Variants in LRMDA observed in about 807,000 individuals in gnomAD.
LRMDA encodes leucine-rich melanocyte differentiation-associated protein.
Under a neutral mutation model 29.8 loss-of-function variants are expected in LRMDA, and 18 were observed. That is an observed-to-expected ratio of 0.60 (90% CI 0.42 to 0.90). The LOEUF (loss-of-function observed/expected upper bound fraction) is 0.90, where lower values mean the gene tolerates loss of function less well. Among genes scored for constraint, LRMDA ranks in the 40% least tolerant of loss-of-function variants. The pLI is 0.00. For synonymous variants in LRMDA, 125 were observed against 109.4 expected, an observed-to-expected ratio of 1.14 and a Z score of -0.89; for missense variants, 273 against 273.9, an observed-to-expected ratio of 1.00 and a Z score of 0.02.
At chr10:75,916,395 A>G (rs1379998979) in intron 2 of LRMDA, among the ~76,000 whole-genome samples, 1 of 152,036 alleles carries the variant, frequency 6.6e-6, no homozygotes, top group East Asian at 1.9e-4. Context: ...GGCAAGAGAG[A>G]GGCAGCAGGG....
chr10:75,467,387 G>A (rs567607986), intron 2 of LRMDA, among the ~76,000 whole-genome samples: 3 of 152,336 alleles, frequency 2.0e-5, no homozygotes, highest in African/African-American at 7.2e-5. Flanking sequence ...TATTCAGAGA[G>A]CACACACTGA....
At chr10:76,371,962 G>A (rs1010791800) in intron 6 of LRMDA, among the ~76,000 whole-genome samples, 11 of 152,134 alleles carry the variant, frequency 7.2e-5, no homozygotes, top group African/African-American at 2.4e-4. Flanking sequence ...CCTCTAACAA[G>A]GCAAGGTCCA....
At chr10:75,793,065 G>A (rs1843595844) in intron 2 of LRMDA, among the ~76,000 whole-genome samples, 1 of 152,162 alleles carries the variant, frequency 6.6e-6, no homozygotes, top group Non-Finnish European at 1.5e-5. Context: ...ATAGGAGAGA[G>A]TATTCCACAC....
At chr10:76,205,578 G>A (rs996913023) in intron 5 of LRMDA, among the ~76,000 whole-genome samples, 2 of 152,156 alleles carry the variant, frequency 1.3e-5, no homozygotes, top group Non-Finnish European at 2.9e-5. Context: ...ATTGATAAAG[G>A]GTGGGAACGT....
intron 2 of LRMDA, among the ~76,000 whole-genome samples, chr10:76,028,928 T>C (rs2132499261): frequency 6.6e-6 from 1 of 151,288 alleles, no homozygotes; most frequent in South Asian, 2.1e-4. Context: ...GCGATTCTCC[T>C]GCCTCAGCCT....
chr10:76,145,564 A>G (rs927182224), intron 5 of LRMDA, among the ~76,000 whole-genome samples: 26 of 152,038 alleles, frequency 1.7e-4, no homozygotes, highest in African/African-American at 5.5e-4. Flanking sequence ...TATTGCGTCT[A>G]TTTGATTCTT....
chr10:76,151,792 G>A (rs939490218), intron 5 of LRMDA, among the ~76,000 whole-genome samples: 3 of 152,126 alleles, frequency 2.0e-5, no homozygotes, highest in Non-Finnish European at 2.9e-5. Flanking sequence ...TTACTAGTTT[G>A]CATTTCTTAA....
intron 2 of LRMDA, among the ~76,000 whole-genome samples, chr10:75,585,396 G>A (rs1397756364): frequency 3.9e-5 from 6 of 152,172 alleles, no homozygotes; most frequent in African/African-American, 1.4e-4. Flanking sequence ...AAGCTAATCT[G>A]GAAATTTGGG....
chr10:76,231,458 A>G, intron 5 of LRMDA, among the ~76,000 whole-genome samples: 1 of 152,230 alleles, frequency 6.6e-6, no homozygotes, highest in South Asian at 2.1e-4. Flanking sequence ...TGGAGAATGC[A>G]GAGAGACCCA....
At chr10:75,442,586 C>A (rs1844341175) in intron 2 of LRMDA, among the ~76,000 whole-genome samples, 1 of 152,028 alleles carries the variant, frequency 6.6e-6, no homozygotes, top group African/African-American at 2.4e-5. Flanking sequence ...TATTTCTGGG[C>A]TCTCTATTTT....
At chr10:75,431,829 C>A in intron 1 of LRMDA, 75 bp downstream of exon 1, 2 of 1,255,752 alleles carry the variant, frequency 1.6e-6, no homozygotes, top group Non-Finnish European at 2.0e-6. Context: ...CAGAGGCTCC[C>A]CAGGGCCTAG....
intron 4 of LRMDA, among the ~76,000 whole-genome samples, chr10:76,055,063 CAAAAAAAAAAAAA>C (rs531729040): frequency 2.2e-4 from 10 of 45,900 alleles, no homozygotes; most frequent in African/African-American, 7.2e-4. Context: ...GACTCCATCT[CAAAAAAAAAAAAA>C]AAAAAAAAAA....
At chr10:75,542,139 C>G (rs1840025204) in intron 2 of LRMDA, among the ~76,000 whole-genome samples, 1 of 152,136 alleles carries the variant, frequency 6.6e-6, no homozygotes, top group African/African-American at 2.4e-5. Context: ...CCACCAAAAC[C>G]TGACAAAGGG....
chr10:75,837,376 C>CT (rs1205463774), intron 2 of LRMDA, among the ~76,000 whole-genome samples: 6 of 152,226 alleles, frequency 3.9e-5, no homozygotes, highest in African/African-American at 1.2e-4. Flanking sequence ...TGATCAAACA[C>CT]TTTTTCAGGT....
chr10:75,937,535 T>C (rs1230990431), intron 2 of LRMDA, among the ~76,000 whole-genome samples: 1 of 152,212 alleles, frequency 6.6e-6, no homozygotes, highest in Admixed American at 6.5e-5. Flanking sequence ...AAAGCAACAC[T>C]GCCCCCCGTA....
At chr10:76,127,149 T>C (rs1849897994) in intron 5 of LRMDA, among the ~76,000 whole-genome samples, 1 of 152,330 alleles carries the variant, frequency 6.6e-6, no homozygotes, top group East Asian at 1.9e-4. Context: ...CCACTGTGGC[T>C]TGTGCAAGTA....
chr10:76,093,494 A>G (rs1849265267), intron 5 of LRMDA, among the ~76,000 whole-genome samples: 1 of 152,094 alleles, frequency 6.6e-6, no homozygotes, highest in Non-Finnish European at 1.5e-5. Flanking sequence ...ATGAAGTTTC[A>G]TTGATCCTTT....
chr10:76,330,285 T>G (rs72817442), intron 6 of LRMDA, among the ~76,000 whole-genome samples: 3,328 of 152,120 alleles, frequency 0.022, 66 homozygotes, highest in Non-Finnish European at 0.035. Flanking sequence ...CCTTTAGAAA[T>G]GAAAGGGAAA....
At chr10:75,566,139 A>G (rs1840369401) in intron 2 of LRMDA, among the ~76,000 whole-genome samples, 1 of 152,206 alleles carries the variant, frequency 6.6e-6, no homozygotes, top group Admixed American at 6.5e-5. Flanking sequence ...GTAAGCTTTT[A>G]GGATGGAGGG....
Sources: allele counts gnomAD v4.1 joint callset (sites outside exome capture counted in the v4.1 genomes callset), GRCh38; gene constraint gnomAD v4.1.1; transcripts MANE v1.5; gene names NCBI Gene and HGNC (gene_info 2026-07-23, HGNC 2026-07-21).